Variants in UBTF observed in about 807,000 individuals in gnomAD.
The protein encoded by UBTF is upstream binding transcription factor.
A neutral mutation model predicts 112.3 loss-of-function variants in UBTF; 8 were observed. The ratio of observed to expected loss-of-function variants is 0.07; its 90% CI spans 0.04 to 0.13. UBTF has a LOEUF of 0.13. Ranked by LOEUF, UBTF falls within the 10% of genes least tolerant of loss-of-function variation. UBTF has a pLI of 1.00. For synonymous variants in UBTF, 417 were observed against 373.1 expected (o/e 1.12, Z -1.36); for missense variants, 457 against 982.1 (o/e 0.47, Z 7.15).
At position 44,207,435 on chromosome 17, in the gene UBTF, T is replaced by G; in HGVS notation, c.2169+19A>C. 1 of 1,612,954 alleles carries G rather than the reference T, an allele frequency of 6.2e-7. No homozygotes were observed. Among genetic ancestry groups the G allele is most frequent in the Non-Finnish European group, 8.5e-7 (1 of 1,179,338 alleles). ...TGGCAGGACTCCCCTCCCCTCCCAC[T>G]GTGCCCTGTCTGCCCCACCTCATCC... On this transcript the variant is annotated intron_variant, in intron 20 of 20. Coordinates refer to ENST00000436088, the MANE Select transcript of UBTF (RefSeq NM_014233.4).
At position 44,207,529 on chromosome 17, in the gene UBTF, CTCA is replaced by C; in HGVS notation, c.2091_2093del (p.Asp697del). The C allele has an allele frequency of 6.2e-7, 1 of 1,614,096 alleles. No homozygotes were observed. Among genetic ancestry groups the C allele is most frequent in the Non-Finnish European group, 8.5e-7 (1 of 1,180,026 alleles). On this transcript the variant is annotated inframe_deletion, in exon 20 of 21. Transcript: ENST00000436088. Reference sequence around the variant, plus strand: ...CGCCATCTTCAGAGGAGTCCCCATTCTCATCATCTTCCTCTTCTTCATCCTCGT... The same window carrying C: ...CGCCATCTTCAGAGGAGTCCCCATTCTCATCTTCCTCTTCTTCATCCTCGT...
intron 15 of UBTF, 100 bp from the exon 16 acceptor site, chr17:44,209,833 G>C: frequency 7.8e-7 from 1 of 1,290,248 alleles, no homozygotes; most frequent in Non-Finnish European, 1.1e-6. Flanking sequence ...GTCTTTTTCT[G>C]TGCCAGGGAG....
Position 44,205,510 on chromosome 17 carries a change from C to T in UBTF, c.*1732G>A, listed in dbSNP as rs2056196625. The T allele has an allele frequency of 6.6e-6, 1 of 152,206 alleles. No individual in the cohort carries two copies. Among genetic ancestry groups the T allele is most frequent in the Non-Finnish European group, 1.5e-5 (1 of 68,048 alleles). 9.4% of individuals were successfully genotyped at this position (152,206 alleles called of 1,614,324 possible). A position where few individuals can be genotyped will look rare whatever the true frequency, so the allele number is the denominator to read the frequency against. Reference sequence around the variant, plus strand: ...CCTGTACTTAATTCCAGGATTAGGACAAAGGAAGGGGAATGGGAGTGGGGA... The same window carrying T: ...CCTGTACTTAATTCCAGGATTAGGATAAAGGAAGGGGAATGGGAGTGGGGA... On this transcript the variant is annotated 3_prime_UTR_variant, in exon 21 of 21. Coordinates refer to ENST00000436088, the MANE Select transcript of UBTF (RefSeq NM_014233.4).
chr17:44,218,050 G>C (rs1227802765), intron 2 of UBTF, 122 bp downstream of exon 2: 1 of 993,546 alleles, frequency 1.0e-6, no homozygotes, highest in Non-Finnish European at 1.5e-6. Context: ...AAATACTCAA[G>C]GCACTTTCTC....
chr17:44,219,904 C>T (rs1260762021), upstream of UBTF, among the ~76,000 whole-genome samples: 2 of 151,270 alleles, frequency 1.3e-5, no homozygotes, highest in African/African-American at 4.8e-5. Flanking sequence ...CCCGCCTCGC[C>T]GGCTCCGCTC....
chr17:44,220,084 AAG>A (rs1491124839), upstream of UBTF, among the ~76,000 whole-genome samples: 2 of 8,280 alleles, frequency 2.4e-4, no homozygotes, highest in Non-Finnish European at 2.4e-4. Context: ...GCCGCCGGGG[AAG>A]GGGGGGGGGG....
At position 44,206,868 on chromosome 17, in the gene UBTF, T is replaced by A; in HGVS notation, c.*374A>T. The A allele has an allele frequency of 3.1e-6, 1 of 321,956 alleles. No individual in the cohort carries two copies. The highest frequency in any genetic ancestry group is 5.7e-6 in the Non-Finnish European group (1 of 176,882). The allele number at this position is 321,956 out of a possible 1,614,324, so 19.9% of individuals were successfully genotyped here. A position where few individuals can be genotyped will look rare whatever the true frequency, so the allele number is the denominator to read the frequency against. On this transcript the variant is annotated 3_prime_UTR_variant, in exon 21 of 21. Coordinates refer to ENST00000436088, the MANE Select transcript of UBTF (RefSeq NM_014233.4). ...CCCAAGCTTCCACCCCACCTTGGAT[T>A]GGGCCGCAGGTGTGGAGGGCCTCAT...
In UBTF at chr17:44,216,281, C is replaced by T. The variant is rs796383867; in HGVS notation, c.234+248G>A. ...CTCCGTCAATCTCAGCATGCTAGCA[C>T]CTCCGTCAATCTCAGCACAGCTCAG... On this transcript the variant is annotated intron_variant, in intron 3 of 20. Coordinates refer to ENST00000436088, the MANE Select transcript of UBTF (RefSeq NM_014233.4). 1.5e-5 allele frequency: 9 copies of T among 608,394 alleles called. No homozygotes were observed. The South Asian group carries it at 1.8e-4, about 12-fold the overall frequency. 37.7% of individuals were successfully genotyped at this position (608,394 alleles called of 1,614,324 possible). A position where few individuals can be genotyped will look rare whatever the true frequency, so the allele number is the denominator to read the frequency against.
intron 17 of UBTF, among the ~76,000 whole-genome samples, chr17:44,208,144 C>G (rs1330270768): frequency 1.4e-5 from 2 of 147,330 alleles, no homozygotes; most frequent in African/African-American, 5.1e-5. Flanking sequence ...GCTCTGTCAC[C>G]CAGGCTGGAG....
chr17:44,210,445 A>G lies in UBTF; in HGVS notation c.1388T>C (p.Leu463Pro). ...KAKYKAREAALKAQSERKPGG... is the reference protein window; with the variant it reads ...KAKYKAREAAPKAQSERKPGG... ...GGGCTTCCTCTCCGACTGAGCCTTG[A>G]GCGCCGCCTCTCGGGCCTTGTACTT... Residue 463 changes from leucine (L) to proline (P), a missense_variant, in exon 14 of 21, where the codon CTC (leucine) becomes CCC (proline). Physicochemically the swap from Leu to Pro is moderately conservative, Grantham distance 98 (BLOSUM62 -3). This residue lies in a region of UBTF where 108 missense variants were observed against 137.4 expected (regional missense o/e 0.79). Coordinates refer to ENST00000436088, the MANE Select transcript of UBTF (RefSeq NM_014233.4). 3 of 1,612,820 alleles carry G rather than the reference A, an allele frequency of 1.9e-6. No individual in the cohort carries two copies. Among genetic ancestry groups the G allele is most frequent in the Non-Finnish European group, 2.5e-6 (3 of 1,179,834 alleles).
chr17:44,212,143 G>A (rs2056724836), intron 8 of UBTF, 137 bp from the exon 9 acceptor site: 5 of 728,546 alleles, frequency 6.9e-6, no homozygotes, highest in South Asian at 1.6e-5. Flanking sequence ...CACACGAGAC[G>A]TGGTGCCCTG....
chr17:44,215,039 C>T (rs541067348), intron 5 of UBTF, among the ~76,000 whole-genome samples: 25 of 152,312 alleles, frequency 1.6e-4, no homozygotes, highest in African/African-American at 5.5e-4. Flanking sequence ...GGACAGTGCC[C>T]GACCTCTGCA....
Position 44,207,074 on chromosome 17 carries a change from C to A in UBTF, c.*168G>T. 4.1e-6 allele frequency: 3 copies of A among 738,706 alleles called. No homozygotes were observed. The highest frequency in any genetic ancestry group is 6.5e-6 in the Non-Finnish European group (3 of 463,820). 45.8% of individuals were successfully genotyped at this position (738,706 alleles called of 1,614,324 possible). On this transcript the variant is annotated 3_prime_UTR_variant, in exon 21 of 21. Transcript: ENST00000436088. Reference sequence around the variant, plus strand: ...TGAGGCTGCAGAGTCCTGGCCTGGGCTCCTCCAGCCCCCTACCCCCACCGT... The same window carrying A: ...TGAGGCTGCAGAGTCCTGGCCTGGGATCCTCCAGCCCCCTACCCCCACCGT...
At chr17:44,218,781 G>A (rs946646852) in intron 1 of UBTF, among the ~76,000 whole-genome samples, 26 of 150,160 alleles carry the variant, frequency 1.7e-4, no homozygotes, top group Admixed American at 3.3e-4. Context: ...CAACCCGGCG[G>A]GGACCCGGAC....
In UBTF at chr17:44,210,107, C is replaced by T; in HGVS notation, c.1626+17G>A. 1 of 1,612,394 alleles carries T rather than the reference C, an allele frequency of 6.2e-7. No homozygotes were observed. Among genetic ancestry groups the T allele is most frequent in the Non-Finnish European group, 8.5e-7 (1 of 1,178,406 alleles). ...CCGAGCTTTCAATGAATGGGGTGGC[C>T]CCAGCCCCATTCCTACCTCATATCG... is the stretch of plus-strand genomic sequence containing the variant. On this transcript the variant is annotated intron_variant, in intron 15 of 20. Coordinates refer to ENST00000436088, the MANE Select transcript of UBTF (RefSeq NM_014233.4).
chr17:44,217,714 TC>T (rs2144554962), intron 2 of UBTF, among the ~76,000 whole-genome samples: 1 of 152,270 alleles, frequency 6.6e-6, no homozygotes, highest in South Asian at 2.1e-4. Context: ...GAGGCAGAGA[TC>T]TAGTTGAGTA....
upstream of UBTF, chr17:44,221,301 G>A (rs1306396449): frequency 6.6e-6 from 1 of 152,148 alleles, no homozygotes; most frequent in Non-Finnish European, 1.5e-5. Flanking sequence ...CGACCCGGGC[G>A]TGTACGCCGC....
At chr17:44,216,762 C>A in intron 2 of UBTF, 58 bp from the exon 3 acceptor site, 2 of 1,573,078 alleles carry the variant, frequency 1.3e-6, no homozygotes, top group Non-Finnish European at 8.7e-7. Flanking sequence ...CCGATCTGTT[C>A]CCCAGTTCTT....
intron 1 of UBTF, among the ~76,000 whole-genome samples, chr17:44,218,851 C>G (rs1250326047): frequency 1.3e-5 from 2 of 150,712 alleles, no homozygotes; most frequent in Non-Finnish European, 3.0e-5. Flanking sequence ...GGGACCGGAT[C>G]CGGATTCCCG....
Sources: gnomAD v4.1 joint callset for allele counts (sites outside exome capture counted in the v4.1 genomes callset) on GRCh38, gnomAD v4.1.1 for gene constraint, gnomAD v4.1.1 regional missense constraint, MANE v1.5 for transcripts, NCBI Gene and HGNC (gene_info 2026-07-23, HGNC 2026-07-21) for gene names.